NALF1: variants seen among roughly 807,000 people sequenced by gnomAD.
The protein encoded by NALF1 is NALCN channel auxiliary factor 1.
In NALF1, 3 loss-of-function variants were observed where a neutral mutation model predicts 48.4. The ratio of observed to expected loss-of-function variants is 0.06; its 90% confidence interval spans 0.03 to 0.16. The LOEUF is 0.16. NALF1 is among the 10% of genes least tolerant of loss of function. The pLI is 1.00. For synonymous variants in NALF1, 262 were observed against 245.7 expected (o/e 1.07, Z -0.62); for missense variants, 526 against 571.5 (o/e 0.92, Z 0.81).
chr13:107,719,319 T>A (rs1456637986), intron 1 of NALF1, among the ~76,000 whole-genome samples: 2 of 152,190 alleles, frequency 1.3e-5, no homozygotes, highest in Non-Finnish European at 2.9e-5. Flanking sequence ...CTCTTAGCTG[T>A]CTCAACAAGG....
At chr13:107,670,701 C>T (rs1201258103) in intron 1 of NALF1, among the ~76,000 whole-genome samples, 1 of 152,062 alleles carries the variant, frequency 6.6e-6, no homozygotes, top group East Asian at 1.9e-4. Flanking sequence ...TGATGGTATT[C>T]CTTGTTACGG....
At chr13:107,273,341 T>C (rs1198159387) in intron 1 of NALF1, among the ~76,000 whole-genome samples, 1 of 152,224 alleles carries the variant, frequency 6.6e-6, no homozygotes, top group African/African-American at 2.4e-5. Flanking sequence ...TTTGGGGGGA[T>C]GCCTTCATTT....
intron 1 of NALF1, among the ~76,000 whole-genome samples, chr13:107,331,749 T>C (rs545543856): frequency 1.3e-5 from 2 of 152,258 alleles, no homozygotes; most frequent in African/African-American, 4.8e-5. Context: ...ATAATTTTCT[T>C]TCAAATAAAT....
At chr13:107,555,134 G>T (rs982488867) in intron 1 of NALF1, among the ~76,000 whole-genome samples, 3 of 152,004 alleles carry the variant, frequency 2.0e-5, no homozygotes, top group African/African-American at 2.4e-5. Context: ...TAAGCAGGCT[G>T]CTTAATTATA....
chr13:107,535,899 A>C (rs1281458508), intron 1 of NALF1, among the ~76,000 whole-genome samples: 4 of 152,162 alleles, frequency 2.6e-5, no homozygotes, highest in Non-Finnish European at 5.9e-5. Flanking sequence ...ATGGAACAGA[A>C]CAGAGCCCTC....
chr13:107,537,211 C>T (rs1876852167), intron 1 of NALF1, among the ~76,000 whole-genome samples: 1 of 151,910 alleles, frequency 6.6e-6, no homozygotes, highest in African/African-American at 2.4e-5. Context: ...CACATGTACC[C>T]TAGAACTTAA....
intron 1 of NALF1, among the ~76,000 whole-genome samples, chr13:107,581,364 C>G (rs1878303354): frequency 6.6e-6 from 1 of 152,180 alleles, no homozygotes; most frequent in Non-Finnish European, 1.5e-5. Context: ...CATTCCGTAT[C>G]TGATTCATAC....
chr13:107,822,208 C>T (rs1879378797), intron 1 of NALF1, among the ~76,000 whole-genome samples: 1 of 152,084 alleles, frequency 6.6e-6, no homozygotes, highest in Non-Finnish European at 1.5e-5. Flanking sequence ...GCAGCAAAAA[C>T]AATAAAGCCC....
At chr13:107,794,779 A>G (rs1225771839) in intron 1 of NALF1, among the ~76,000 whole-genome samples, 4 of 152,108 alleles carry the variant, frequency 2.6e-5, no homozygotes, top group Non-Finnish European at 5.9e-5. Flanking sequence ...GCACTGAATA[A>G]TTATTTTTAT....
intron 1 of NALF1, among the ~76,000 whole-genome samples, chr13:107,298,329 G>A (rs1468816621): frequency 3.1e-5 from 3 of 96,092 alleles, no homozygotes; most frequent in African/African-American, 8.4e-5. Context: ...CAGCCTGGGC[G>A]ACAGAGAGAG....
chr13:107,342,502 C>T (rs914462822), intron 1 of NALF1, among the ~76,000 whole-genome samples: 14 of 151,948 alleles, frequency 9.2e-5, no homozygotes, highest in Non-Finnish European at 1.8e-4. Context: ...ATGAGAACTC[C>T]AGAAAGCAGA....
chr13:107,255,300 AG>A (rs1366914177), intron 1 of NALF1, among the ~76,000 whole-genome samples: 1 of 152,188 alleles, frequency 6.6e-6, no homozygotes, highest in Non-Finnish European at 1.5e-5. Context: ...ATTTTCCACA[AG>A]AAAGTTCCTT....
rs552955727 is a variant in NALF1, at chr13:107,556,425, A to G, written c.915+309257T>C. Among the ~76,000 whole-genome samples, 4 of 151,966 alleles carry G rather than the reference A, an allele frequency of 2.6e-5. No individual in the cohort carries two copies. The East Asian group carries it at 7.7e-4, about 29-fold the overall frequency. ...TTTTTCCTAGTTTCCTTTAACATTA[A>G]AACTCGAGAACTTGAGGCCTTGCAG... On this transcript the variant is annotated intron_variant, in intron 1 of 2. Coordinates refer to ENST00000375915, the MANE Select transcript of NALF1 (RefSeq NM_001080396.3).
At chr13:107,385,382 G>T (rs576306957) in intron 1 of NALF1, among the ~76,000 whole-genome samples, 1 of 151,964 alleles carries the variant, frequency 6.6e-6, no homozygotes, top group Admixed American at 6.6e-5. Flanking sequence ...GCAAAACTCC[G>T]TCTCTACTAA....
chr13:107,171,156 C>T (rs181857459), intron 2 of NALF1, among the ~76,000 whole-genome samples: 2 of 152,260 alleles, frequency 1.3e-5, no homozygotes, highest in East Asian at 1.9e-4. Context: ...TGATGCACTG[C>T]GTAAACTGAC....
chr13:107,346,225 C>T (rs908675090), intron 1 of NALF1, among the ~76,000 whole-genome samples: 5 of 152,022 alleles, frequency 3.3e-5, no homozygotes, highest in African/African-American at 1.2e-4. Context: ...AAGAAAGGCC[C>T]TCAAAATTAA....
intron 1 of NALF1, among the ~76,000 whole-genome samples, chr13:107,808,773 C>G (rs754902778): frequency 9.2e-5 from 14 of 151,928 alleles, no homozygotes; most frequent in Non-Finnish European, 2.1e-4. Flanking sequence ...CGATATCTCA[C>G]AAAATGTATC....
chr13:107,214,477 CTGTG>C (rs1322898173), intron 1 of NALF1, among the ~76,000 whole-genome samples: 1 of 152,122 alleles, frequency 6.6e-6, no homozygotes. Context: ...GAAAGAATAA[CTGTG>C]GGAAGGAATA....
intron 1 of NALF1, among the ~76,000 whole-genome samples, chr13:107,503,291 CA>C (rs57318956): frequency 6.6e-6 from 1 of 150,802 alleles, no homozygotes; most frequent in Non-Finnish European, 1.5e-5. Context: ...TGTAAGTTTT[CA>C]AAAAAAAATC....
Sources: gnomAD v4.1 joint callset for allele counts (sites outside exome capture counted in the v4.1 genomes callset) on GRCh38, gnomAD v4.1.1 for gene constraint, MANE v1.5 for transcripts, NCBI Gene and HGNC (gene_info 2026-07-23, HGNC 2026-07-21) for gene names.